ZNF407: variants seen among roughly 807,000 people sequenced by gnomAD.
The protein encoded by ZNF407 is zinc finger protein 407.
In ZNF407, 17 loss-of-function variants were observed where a neutral mutation model predicts 131.2. The observed-to-expected ratio is 0.13, with a 90% CI of 0.09 to 0.19. ZNF407 has a LOEUF of 0.19. Ranked by LOEUF, ZNF407 falls within the 10% of genes least tolerant of loss-of-function variation. The pLI is 1.00. For missense variants in ZNF407, 2,681 were observed against 2,830.6 expected, an observed-to-expected ratio of 0.95 and a Z score of 1.20; for synonymous variants, 1,156 against 1,062.0, an observed-to-expected ratio of 1.09 and a Z score of -1.72.
chr18:75,018,386 G>A (rs1257437293), intron 8 of ZNF407, among the ~76,000 whole-genome samples: 1 of 151,892 alleles, frequency 6.6e-6, no homozygotes, highest in Non-Finnish European at 1.5e-5. Context: ...AAAAATTAAT[G>A]ATAAAATATG....
At chr18:75,028,814 CCTAT>C (rs1973202191) in intron 8 of ZNF407, among the ~76,000 whole-genome samples, 1 of 152,202 alleles carries the variant, frequency 6.6e-6, no homozygotes, top group South Asian at 2.1e-4. Context: ...GCTGTCCCAT[CCTAT>C]CTTTTACATT....
chr18:74,704,696 T>G (rs550968584), intron 3 of ZNF407, among the ~76,000 whole-genome samples: 1 of 152,332 alleles, frequency 6.6e-6, no homozygotes, highest in East Asian at 1.9e-4. Flanking sequence ...TTTTGTCGCT[T>G]AAGTTGCGTG....
chr18:74,965,345 T>A (rs1303635702), intron 8 of ZNF407, among the ~76,000 whole-genome samples: 1 of 152,152 alleles, frequency 6.6e-6, no homozygotes, highest in East Asian at 1.9e-4. Context: ...TTCTGTCAAC[T>A]GTCTCCATGA....
chr18:74,643,830 G>A (rs4243289), intron 3 of ZNF407, among the ~76,000 whole-genome samples: 1 of 151,706 alleles, frequency 6.6e-6, no homozygotes, highest in African/African-American at 2.4e-5. Flanking sequence ...GCCTTTTAAA[G>A]TTTTGTATAA....
intron 7 of ZNF407, among the ~76,000 whole-genome samples, chr18:74,893,381 C>T (rs1458713260): frequency 6.6e-6 from 1 of 152,162 alleles, no homozygotes; most frequent in Non-Finnish European, 1.5e-5. Flanking sequence ...TGAACACTTT[C>T]TGTTCCTGGG....
rs753703242 is a variant in ZNF407, at chr18:74,867,649, G to A, written c.4878-9548G>A. Reference sequence around the variant, plus strand: ...GCAGTACTGTTCTTATGAAACCATCGGGTTTATTAGTAAAGGGTTTGGGAT... The same window carrying A: ...GCAGTACTGTTCTTATGAAACCATCAGGTTTATTAGTAAAGGGTTTGGGAT... On this transcript the variant is annotated intron_variant, in intron 4 of 8. Coordinates refer to ENST00000299687, the MANE Select transcript of ZNF407 (RefSeq NM_017757.3). Among the ~76,000 whole-genome samples, 6 of 152,260 alleles carry A rather than the reference G, an allele frequency of 3.9e-5. No individual in the cohort carries two copies. In the East Asian group the frequency reaches 1.2e-3, roughly 29 times the overall value.
In ZNF407 at chr18:74,634,061, A is replaced by T; in HGVS notation, c.3042A>T (p.Thr1014=). ...ACTCCCAGAGAGATGTTACAGGCAC[A>T]GGTGAGAATAAGTGTTTGCACTGTG... The part of the protein sequence containing the change: ...DVYSQRDVTG[T]GENKCLHCEF... Residue 1014 remains threonine (T), a synonymous_variant, in exon 2 of 9, where the codon ACA becomes ACT. Coordinates refer to ENST00000299687, the MANE Select transcript of ZNF407 (RefSeq NM_017757.3). The T allele has an allele frequency of 6.2e-7, 1 of 1,614,076 alleles. No homozygotes were observed. Among genetic ancestry groups the T allele is most frequent in the Non-Finnish European group, 8.5e-7 (1 of 1,179,908 alleles).
intron 8 of ZNF407, among the ~76,000 whole-genome samples, chr18:75,011,295 G>A (rs79926253): frequency 7.2e-4 from 110 of 152,240 alleles, no homozygotes; most frequent in African/African-American, 2.4e-3. Flanking sequence ...TAAAAAGCAT[G>A]TGTCCCTTAC....
intron 4 of ZNF407, among the ~76,000 whole-genome samples, chr18:74,785,817 G>A (rs1197820837): frequency 6.6e-6 from 1 of 151,354 alleles, no homozygotes; most frequent in Admixed American, 6.6e-5. Context: ...GCATGTACAT[G>A]GCATGCACAT....
intron 8 of ZNF407, among the ~76,000 whole-genome samples, chr18:74,963,183 C>T (rs1287627310): frequency 7.1e-6 from 1 of 139,912 alleles, no homozygotes; most frequent in Non-Finnish European, 1.5e-5. Context: ...CTGAATGGAA[C>T]ATTCCCAAGT....
chr18:74,737,105 T>C (rs1184484419), intron 3 of ZNF407, among the ~76,000 whole-genome samples: 1 of 152,218 alleles, frequency 6.6e-6, no homozygotes, highest in Non-Finnish European at 1.5e-5. Context: ...GTAATAAAAT[T>C]GTACGATGAG....
intron 3 of ZNF407, among the ~76,000 whole-genome samples, chr18:74,710,582 T>C (rs531038769): frequency 2.0e-5 from 3 of 152,206 alleles, no homozygotes; most frequent in Admixed American, 6.5e-5. Flanking sequence ...TCCTCATGGG[T>C]GTTACAGCTG....
intron 3 of ZNF407, among the ~76,000 whole-genome samples, chr18:74,751,839 C>G (rs1325930357): frequency 6.6e-6 from 1 of 152,170 alleles, no homozygotes; most frequent in East Asian, 1.9e-4. Context: ...CATACATGTG[C>G]GTGTGTCTTT....
intron 3 of ZNF407, among the ~76,000 whole-genome samples, chr18:74,651,374 C>T (rs118009999): frequency 6.6e-6 from 1 of 152,152 alleles, no homozygotes; most frequent in East Asian, 1.9e-4. Context: ...TTGTCAAGTA[C>T]GAGTGTCATC....
At chr18:74,675,215 GGGTGTA>G (rs1209698201) in intron 3 of ZNF407, among the ~76,000 whole-genome samples, 2 of 152,248 alleles carry the variant, frequency 1.3e-5, no homozygotes, top group Admixed American at 1.3e-4. Context: ...GTTAACATTT[GGGTGTA>G]GGTTCAGTTG....
intron 3 of ZNF407, among the ~76,000 whole-genome samples, chr18:74,718,857 GTATCT>G (rs1039357907): frequency 7.9e-5 from 12 of 151,954 alleles, no homozygotes; most frequent in African/African-American, 1.2e-4. Flanking sequence ...AACTTTATCT[GTATCT>G]TATCTTTATG....
At chr18:75,012,391 T>TAGCA (rs1972988623) in intron 8 of ZNF407, among the ~76,000 whole-genome samples, 1 of 54,484 alleles carries the variant, frequency 1.8e-5, no homozygotes, top group African/African-American at 6.6e-5. Flanking sequence ...ACATAGTGTA[T>TAGCA]GTACACATAG....
At chr18:74,930,199 T>C (rs1176887523) in intron 8 of ZNF407, among the ~76,000 whole-genome samples, 2 of 152,210 alleles carry the variant, frequency 1.3e-5, no homozygotes, top group South Asian at 2.1e-4. Flanking sequence ...TTAAGGAACA[T>C]GGATTTGTTA....
chr18:74,806,282 C>T (rs1053424687), intron 4 of ZNF407, among the ~76,000 whole-genome samples: 1 of 152,192 alleles, frequency 6.6e-6, no homozygotes, highest in Non-Finnish European at 1.5e-5. Context: ...TTTATCTTAT[C>T]TCAGAAAGTC....
Sources: gnomAD v4.1 joint callset for allele counts (sites outside exome capture counted in the v4.1 genomes callset) on GRCh38, gnomAD v4.1.1 for gene constraint, MANE v1.5 for transcripts, NCBI Gene and HGNC (gene_info 2026-07-23, HGNC 2026-07-21) for gene names.